Variants in USP21 observed in about 807,000 individuals in gnomAD.
The protein encoded by USP21 is ubiquitin carboxyl-terminal hydrolase 21.
Under a neutral mutation model 70.8 loss-of-function variants are expected in USP21, and 37 were observed. The observed-to-expected ratio is 0.52, with a 90% CI of 0.40 to 0.69. The LOEUF is 0.69. Among genes scored for constraint, USP21 ranks in the 30% least tolerant of loss-of-function variants. The pLI, the probability that USP21 is intolerant of heterozygous loss-of-function variation, is 0.00. For missense variants in USP21, 584 were observed against 740.8 expected (o/e 0.79, Z 2.46); for synonymous variants, 263 against 283.1 (o/e 0.93, Z 0.71).
Position 161,164,960 on chromosome 1 carries a change from A to G in USP21, c.1492+18A>G. 6.2e-7 allele frequency: 1 copy of G among 1,613,512 alleles called. No homozygotes were observed. Among genetic ancestry groups the G allele is most frequent in the Non-Finnish European group, 8.5e-7 (1 of 1,179,520 alleles). On this transcript the variant is annotated intron_variant, in intron 12 of 13. Transcript: ENST00000368002. The surrounding 1 kb of genome is among the most constrained non-coding windows in gnomAD (Gnocchi z 4.2). The stretch of plus-strand genomic sequence containing the variant: ...CAAAGCCGGTGAGTCTGGTGGGGAA[A>G]GTCCTAAGGAGCCAAAGGAGTGGGG...
rs1657895859 is a variant in USP21 at position 161,161,139 on chromosome 1, C to T, written c.499C>T (p.Pro167Ser). The change falls in exon 3 of 14, where the codon CCT (proline) becomes TCT (serine). Residue 167 changes from proline to serine, a missense_variant. Physicochemically the swap from Pro to Ser is moderately conservative, Grantham distance 74. Transcript: ENST00000368002. This position sits in a 1 kb window ranked among gnomAD's most constrained non-coding sequence, Gnocchi z 4.2. Reference sequence around the variant, plus strand: ...CCGCCTAGGGGGCTTTCCTGGACCCCCTACCCTGTTCAGCATACGGACAGA... The same window carrying T: ...CCGCCTAGGGGGCTTTCCTGGACCCTCTACCCTGTTCAGCATACGGACAGA... ...LRRLGGFPGP[P>S]TLFSIRTEPP... 6.2e-7 allele frequency: 1 copy of T among 1,614,114 alleles called. No homozygotes were observed. The highest frequency in any genetic ancestry group is 8.5e-7 in the Non-Finnish European group (1 of 1,179,962).
chr1:161,165,400 T>A lies in USP21; in HGVS notation c.1651T>A (p.Tyr551Asn). 1 of 1,614,178 alleles carries A rather than the reference T, an allele frequency of 6.2e-7. No homozygotes were observed. The highest frequency in any genetic ancestry group is 8.5e-7 in the Non-Finnish European group (1 of 1,180,016). Residue 551 changes from tyrosine to asparagine, a missense_variant, in exon 14 of 14, where the codon TAC becomes AAC. Physicochemically the swap from Tyr to Asn is moderately radical, Grantham distance 143 (BLOSUM62 -2). This residue lies in a region of USP21 where 173 missense variants were observed against 268.2 expected (regional missense o/e 0.65). Transcript: ENST00000368002. ...AAACCAGGTGGCATCCAGCGAGGGCTACGTGCTGTTCTACCAACTGATGCA... is the reference window on the plus strand; with the variant it reads ...AAACCAGGTGGCATCCAGCGAGGGCAACGTGCTGTTCTACCAACTGATGCA... ...SENQVASSEG[Y>N]VLFYQLMQEP...
At position 161,162,822 on chromosome 1, in the gene USP21, T is replaced by C. The variant is rs1248796181; in HGVS notation, c.893+96T>C. The C allele has an allele frequency of 1.3e-6, 2 of 1,580,712 alleles. No individual in the cohort carries two copies. The highest frequency in any genetic ancestry group is 2.7e-5 in the African/African-American group (2 of 74,142). ...CAGCATTGTTCTGAGCCTTGAGATG[T>C]TCTTCATCCAGGAAGTGGGGACCAA... On this transcript the variant is annotated intron_variant, in intron 6 of 13. Coordinates refer to ENST00000368002, the MANE Select transcript of USP21 (RefSeq NM_001014443.3). This position sits in a 1 kb window ranked among gnomAD's most constrained non-coding sequence, Gnocchi z 4.1.
At position 161,164,742 on chromosome 1, in the gene USP21, T is replaced by C; in HGVS notation, c.1385-93T>C. Reference sequence around the variant, plus strand: ...CCACTTTTCCACAAGATGCTCCCAGTGTGTCGGGAGTGGGGAGAGGACAGC... The same window carrying C: ...CCACTTTTCCACAAGATGCTCCCAGCGTGTCGGGAGTGGGGAGAGGACAGC... On this transcript the variant is annotated intron_variant, in intron 11 of 13. Transcript: ENST00000368002. This position sits in a 1 kb window ranked among gnomAD's most constrained non-coding sequence, Gnocchi z 4.2. The C allele has an allele frequency of 3.8e-6, 6 of 1,599,370 alleles. No individual in the cohort carries two copies. Among genetic ancestry groups the C allele is most frequent in the Non-Finnish European group, 5.1e-6 (6 of 1,171,118 alleles).
At chr1:161,163,462 G>A in intron 7 of USP21, 93 bp from the exon 8 acceptor site, 1 of 1,155,366 alleles carries the variant, frequency 8.7e-7, no homozygotes. Context: ...TGGATGGGGA[G>A]TAGGGCTCTG....
In USP21 at chr1:161,162,770, G is replaced by A; in HGVS notation, c.893+44G>A. On this transcript the variant is annotated intron_variant, in intron 6 of 13. Transcript: ENST00000368002. The surrounding 1 kb of genome is among the most constrained non-coding windows in gnomAD (Gnocchi z 4.1). The stretch of plus-strand genomic sequence containing the variant: ...ATGGGATTTCTCTCTGGCCATGTCT[G>A]GGGGTAGGGCCAAGCAAGGGCCCTG... The A allele has an allele frequency of 6.3e-7, 1 of 1,582,074 alleles. No homozygotes were observed. Among genetic ancestry groups the A allele is most frequent in the Middle Eastern group, 1.7e-4 (1 of 5,920 alleles).
At position 161,161,609 on chromosome 1, in the gene USP21, G is replaced by A; in HGVS notation, c.600+369G>A. On this transcript the variant is annotated intron_variant, in intron 3 of 13. Coordinates refer to ENST00000368002, the MANE Select transcript of USP21 (RefSeq NM_001014443.3). The surrounding 1 kb of genome is among the most constrained non-coding windows in gnomAD (Gnocchi z 4.2). ...GGCACAGAACATCTTAGCAAACGTG[G>A]TTGCACATTTTCTGAGCTAAGTAAG... The A allele has an allele frequency of 2.7e-6, 1 of 363,860 alleles. No individual in the cohort carries two copies. Among genetic ancestry groups the A allele is most frequent in the South Asian group, 4.1e-5 (1 of 24,620 alleles). The allele number at this position is 363,860 out of a possible 1,614,324, so 22.5% of individuals were successfully genotyped here.
Position 161,162,113 on chromosome 1 carries a change from CTA to C in USP21, c.660+18_660+19del. The C allele has an allele frequency of 6.2e-7, 1 of 1,614,016 alleles. No individual in the cohort carries two copies. Among genetic ancestry groups the C allele is most frequent in the South Asian group, 1.1e-5 (1 of 91,066 alleles). The stretch of plus-strand genomic sequence containing the variant: ...GGGAAACACGGTGAGAGCTATTCTC[CTA>C]TCTTTCCTCTCTAAAAGGAATGTGA... On this transcript the variant is annotated intron_variant, in intron 4 of 13. Coordinates refer to ENST00000368002, the MANE Select transcript of USP21 (RefSeq NM_001014443.3). The surrounding 1 kb of genome is among the most constrained non-coding windows in gnomAD (Gnocchi z 4.1).
Position 161,164,457 on chromosome 1 carries a change from G to A in USP21, c.1306-77G>A. On this transcript the variant is annotated intron_variant, in intron 10 of 13. Coordinates refer to ENST00000368002, the MANE Select transcript of USP21 (RefSeq NM_001014443.3). The surrounding 1 kb of genome is among the most constrained non-coding windows in gnomAD (Gnocchi z 4.2). ...CTGTAATGAAGAGCATACTAAATTT[G>A]TATGTGGATCGGGGTGTCAGAAAAG... 2.6e-6 allele frequency: 4 copies of A among 1,553,724 alleles called. No homozygotes were observed. The highest frequency in any genetic ancestry group is 2.3e-5 in the East Asian group (1 of 44,298).
intron 7 of USP21, 77 bp downstream of exon 7, chr1:161,163,151 A>G: frequency 6.8e-7 from 1 of 1,480,364 alleles, no homozygotes. Flanking sequence ...AAACTAGTAA[A>G]GATTGAAGAT....
At position 161,160,484 on chromosome 1, in the gene USP21, A is replaced by T; in HGVS notation, c.-44A>T. On this transcript the variant is annotated 5_prime_UTR_variant, in exon 2 of 14. An upstream start codon of the reference 5' UTR is lost. Transcript: ENST00000368002. ...ACTGAGCCAACCACCTAATGTGGAAATGAGAGGACAGCAAGATTGTGGGTA... is the reference window on the plus strand; with the variant it reads ...ACTGAGCCAACCACCTAATGTGGAATTGAGAGGACAGCAAGATTGTGGGTA... 1 of 949,002 alleles carries T rather than the reference A, an allele frequency of 1.1e-6. No homozygotes were observed. Among genetic ancestry groups the T allele is most frequent in the Non-Finnish European group, 1.6e-6 (1 of 611,850 alleles). The allele number at this position is 949,002 out of a possible 1,614,324, so 58.8% of individuals were successfully genotyped here. A position where few individuals can be genotyped will look rare whatever the true frequency, so the allele number is the denominator to read the frequency against.
chr1:161,161,347 C>A lies in USP21; in HGVS notation c.600+107C>A. 2.2e-6 allele frequency: 3 copies of A among 1,395,106 alleles called. No homozygotes were observed. Among genetic ancestry groups the A allele is most frequent in the Non-Finnish European group, 2.9e-6 (3 of 1,037,436 alleles). 86.4% of individuals were successfully genotyped at this position (1,395,106 alleles called of 1,614,324 possible). A position where few individuals can be genotyped will look rare whatever the true frequency, so the allele number is the denominator to read the frequency against. On this transcript the variant is annotated intron_variant, in intron 3 of 13. Transcript: ENST00000368002. The surrounding 1 kb of genome is among the most constrained non-coding windows in gnomAD (Gnocchi z 4.2). Reference sequence around the variant, plus strand: ...TTTCCCTGAAGTTCCTTTCTCAGCCCTTCATTACAGCAGTTTGGACATGCC... The same window carrying A: ...TTTCCCTGAAGTTCCTTTCTCAGCCATTCATTACAGCAGTTTGGACATGCC...
intron 7 of USP21, 103 bp from the exon 8 acceptor site, chr1:161,163,452 T>G: frequency 9.9e-7 from 1 of 1,013,814 alleles, no homozygotes; most frequent in Non-Finnish European, 1.5e-6. Context: ...AGCAGGGGTG[T>G]GGATGGGGAG....
Position 161,162,055 on chromosome 1 carries a change from T to C in USP21, c.618T>C (p.Leu206=). The C allele has an allele frequency of 6.2e-7, 1 of 1,614,066 alleles. No homozygotes were observed. The change falls in exon 4 of 14, where the codon CTT becomes CTC. Residue 206 remains leucine (L), a synonymous_variant. Transcript: ENST00000368002. The surrounding 1 kb of genome is among the most constrained non-coding windows in gnomAD (Gnocchi z 4.1). ...SDDKMAHHTL[L]LGSGHVGLRN... ...CCTTCCAGGCTCATCACACACTCCT[T>C]CTGGGCTCTGGTCATGTTGGCCTTC...
In USP21 at chr1:161,160,632, G is replaced by C. The variant is rs1376418783; in HGVS notation, c.-9G>C. 1 of 1,608,944 alleles carries C rather than the reference G, an allele frequency of 6.2e-7. No individual in the cohort carries two copies. Among genetic ancestry groups the C allele is most frequent in the African/African-American group, 1.3e-5 (1 of 74,798 alleles). Reference sequence around the variant, plus strand: ...CTTCTCCTCCCAGGTCCAGCCTGTGGTGTCCACAATGCCCCAGGCCTCTGA... The same window carrying C: ...CTTCTCCTCCCAGGTCCAGCCTGTGCTGTCCACAATGCCCCAGGCCTCTGA... On this transcript the variant is annotated 5_prime_UTR_variant, in exon 3 of 14. Transcript: ENST00000368002.
intron 8 of USP21, 42 bp downstream of exon 8, chr1:161,163,661 A>AG (rs372183292): frequency 1.1e-4 from 139 of 1,211,880 alleles, no homozygotes; most frequent in Middle Eastern, 2.1e-4. Flanking sequence ...TTAGTGTGTG[A>AG]GGGGGGTACA....
intron 7 of USP21, 145 bp downstream of exon 7, chr1:161,163,219 A>G: frequency 9.2e-7 from 1 of 1,085,696 alleles, no homozygotes; most frequent in East Asian, 2.5e-5. Flanking sequence ...ACATAGAAGT[A>G]GAAGGAAGGA....
intron 8 of USP21, 35 bp downstream of exon 8, chr1:161,163,654 G>C (rs1208410776): frequency 6.5e-7 from 1 of 1,541,590 alleles, no homozygotes; most frequent in Non-Finnish European, 8.8e-7. Context: ...GGGAAAATTA[G>C]TGTGTGAGGG....
chr1:161,159,695 T>G lies in USP21; in HGVS notation c.-163+17T>G, dbSNP rs1252395886. ...GGGGGACAGGTACGGGCCGGGGCGT[T>G]ATGGCATGGCGGGGTGTGGGGGGGC... On this transcript the variant is annotated intron_variant, in intron 1 of 13. Coordinates refer to ENST00000368002, the MANE Select transcript of USP21 (RefSeq NM_001014443.3). 2.0e-5 allele frequency: 3 copies of G among 149,342 alleles called. No individual in the cohort carries two copies. Among genetic ancestry groups the G allele is most frequent in the Non-Finnish European group, 4.4e-5 (3 of 67,516 alleles). The allele number at this position is 149,342 out of a possible 1,614,324, so 9.3% of individuals were successfully genotyped here.
Sources: allele counts gnomAD v4.1 joint callset, GRCh38; gene constraint gnomAD v4.1.1; regional missense constraint gnomAD v4.1.1; non-coding constraint Gnocchi (gnomAD v3.1); transcripts MANE v1.5; gene names NCBI Gene and HGNC (gene_info 2026-07-23, HGNC 2026-07-21).